GPC6: variants seen among roughly 807,000 people sequenced by gnomAD.
The protein encoded by GPC6 is glypican-6.
In GPC6, 14 loss-of-function variants were observed where a neutral mutation model predicts 55.2. The ratio of observed to expected loss-of-function variants is 0.25; its 90% CI spans 0.17 to 0.40. The LOEUF (loss-of-function observed/expected upper bound fraction) is 0.40, where lower values mean the gene tolerates loss of function less well. Ranked by LOEUF, GPC6 falls within the 10% of genes least tolerant of loss-of-function variation. The probability of loss-of-function intolerance (pLI) is 1.00; values close to 1 mark genes in which losing one functional copy is unlikely to be tolerated. For missense variants in GPC6, 641 were observed against 708.5 expected (o/e 0.90, Z 1.08); for synonymous variants, 278 against 259.6 (o/e 1.07, Z -0.68).
intron 4 of GPC6, among the ~76,000 whole-genome samples, chr13:94,088,911 T>A (rs1363446242): frequency 6.6e-6 from 1 of 152,156 alleles, no homozygotes; most frequent in Non-Finnish European, 1.5e-5. Context: ...GTCACTGATA[T>A]AAAATCTCTA....
chr13:93,742,755 A>C (rs570055351), intron 2 of GPC6, among the ~76,000 whole-genome samples: 2 of 152,338 alleles, frequency 1.3e-5, no homozygotes, highest in East Asian at 3.9e-4. Flanking sequence ...AGACTTGGAG[A>C]AAATTAATAA....
intron 1 of GPC6, among the ~76,000 whole-genome samples, chr13:93,235,601 T>C (rs1876206999): frequency 6.6e-6 from 1 of 151,636 alleles, no homozygotes; most frequent in Non-Finnish European, 1.5e-5. Flanking sequence ...GAAGAAGGGG[T>C]GAATAAGGCC....
intron 1 of GPC6, among the ~76,000 whole-genome samples, chr13:93,511,361 A>G (rs561967922): frequency 6.6e-6 from 1 of 151,868 alleles, no homozygotes; most frequent in African/African-American, 2.4e-5. Flanking sequence ...TGATTTTTGT[A>G]CAGTGAGAAA....
At chr13:93,244,276 G>T (rs1876529014) in intron 1 of GPC6, among the ~76,000 whole-genome samples, 1 of 152,216 alleles carries the variant, frequency 6.6e-6, no homozygotes, top group Non-Finnish European at 1.5e-5. Context: ...AAAGCTGCAA[G>T]GGCCGGCTGG....
At chr13:93,554,181 A>G (rs1454531817) in intron 2 of GPC6, among the ~76,000 whole-genome samples, 1 of 151,890 alleles carries the variant, frequency 6.6e-6, no homozygotes, top group East Asian at 1.9e-4. Flanking sequence ...GCTGACTTGA[A>G]CATACACAGG....
In GPC6 at chr13:93,419,231, AATATAC is replaced by A. The variant is rs1876833830; in HGVS notation, c.161-126026_161-126021del. On this transcript the variant is annotated intron_variant, in intron 1 of 8. Coordinates refer to ENST00000377047, the MANE Select transcript of GPC6 (RefSeq NM_005708.5). Reference sequence around the variant, plus strand: ...TGGGTAAAAATGGGACTATAAGAATAATATACATATATTCTCTTTGTGATTAGTTGA... The same window carrying A: ...TGGGTAAAAATGGGACTATAAGAATAATATATTCTCTTTGTGATTAGTTGA... 4.6e-5 allele frequency among the ~76,000 whole-genome samples: 7 copies of A among 151,806 alleles called. 1 individual carries two copies. In the South Asian group the frequency reaches 1.5e-3, roughly 32 times the overall value.
intron 2 of GPC6, among the ~76,000 whole-genome samples, chr13:93,786,537 A>G (rs963271424): frequency 2.0e-5 from 3 of 152,098 alleles, no homozygotes; most frequent in Non-Finnish European, 2.9e-5. Context: ...TAGGACATAC[A>G]CAGCTACTAT....
intron 1 of GPC6, among the ~76,000 whole-genome samples, chr13:93,346,719 A>G (rs530010207): frequency 1.3e-5 from 2 of 152,326 alleles, no homozygotes; most frequent in South Asian, 4.1e-4. Flanking sequence ...AAGAATGGAC[A>G]GAAAATGGAA....
chr13:93,603,151 A>G (rs1028597538), intron 2 of GPC6, among the ~76,000 whole-genome samples: 2 of 152,110 alleles, frequency 1.3e-5, no homozygotes, highest in African/African-American at 4.8e-5. Flanking sequence ...CTGGGACCAC[A>G]GGCACACACC....
chr13:93,491,432 A>G, intron 1 of GPC6, among the ~76,000 whole-genome samples: 1 of 49,494 alleles, frequency 2.0e-5, no homozygotes, highest in South Asian at 8.5e-4. Context: ...CCTTTGTCAG[A>G]TGAGTAGGTT....
intron 4 of GPC6, among the ~76,000 whole-genome samples, chr13:94,259,127 AC>A (rs1891586075): frequency 6.6e-6 from 1 of 151,870 alleles, no homozygotes; most frequent in African/African-American, 2.4e-5. Context: ...CTCACTGGAA[AC>A]CTTTCCCAGA....
At chr13:93,986,904 G>A (rs1266711344) in intron 3 of GPC6, among the ~76,000 whole-genome samples, 1 of 152,042 alleles carries the variant, frequency 6.6e-6, no homozygotes, top group Non-Finnish European at 1.5e-5. Context: ...TCAAAATATA[G>A]TACTGATATT....
At position 93,496,778 on chromosome 13, in the gene GPC6, C is replaced by G. The variant is rs1010870135; in HGVS notation, c.161-48485C>G. Among the ~76,000 whole-genome samples the G allele has an allele frequency of 5.5e-4, 84 of 152,222 alleles. 1 individual carries two copies. The highest frequency in any genetic ancestry group is 1.7e-3 in the African/African-American group (69 of 41,534). On this transcript the variant is annotated intron_variant, in intron 1 of 8. Transcript: ENST00000377047. ...AAACTGTGGTAATTTAGAACCTATT[C>G]TATACAGTTATCATGATGATTTAAT...
chr13:93,920,406 A>G (rs1877507561), intron 3 of GPC6, among the ~76,000 whole-genome samples: 1 of 151,986 alleles, frequency 6.6e-6, no homozygotes, highest in South Asian at 2.1e-4. Flanking sequence ...TTACATCTTC[A>G]TTTCTAACCT....
chr13:93,937,446 G>A (rs1294774970), intron 3 of GPC6, among the ~76,000 whole-genome samples: 2 of 152,088 alleles, frequency 1.3e-5, no homozygotes. Flanking sequence ...ACATAACTGG[G>A]ACATATCTGA....
intron 2 of GPC6, among the ~76,000 whole-genome samples, chr13:93,687,144 CA>C (rs1475232307): frequency 6.6e-6 from 1 of 151,912 alleles, no homozygotes; most frequent in Non-Finnish European, 1.5e-5. Context: ...TGTAGAAAAT[CA>C]GTTTAATTTA....
At chr13:94,310,092 G>A (rs1342022605) in intron 6 of GPC6, among the ~76,000 whole-genome samples, 1 of 152,084 alleles carries the variant, frequency 6.6e-6, no homozygotes, top group East Asian at 1.9e-4. Context: ...GCATCAAAAG[G>A]TATTTCAAAT....
chr13:94,291,697 CTT>C (rs58413609), intron 5 of GPC6, among the ~76,000 whole-genome samples: 13 of 135,836 alleles, frequency 9.6e-5, no homozygotes, highest in East Asian at 4.2e-4. Context: ...TTGAATTTAT[CTT>C]TTTTTTTTTT....
chr13:93,958,254 A>G (rs1050513597), intron 3 of GPC6, among the ~76,000 whole-genome samples: 3 of 152,126 alleles, frequency 2.0e-5, no homozygotes, highest in Non-Finnish European at 2.9e-5. Context: ...TTTTGTTGCA[A>G]TTGCTTTGGG....
Sources: gnomAD v4.1 joint callset for allele counts (sites outside exome capture counted in the v4.1 genomes callset) on GRCh38, gnomAD v4.1.1 for gene constraint, MANE v1.5 for transcripts, NCBI Gene and HGNC (gene_info 2026-07-23, HGNC 2026-07-21) for gene names.